The following ACACA variants were observed in gnomAD, a reference collection of about 807,000 sequenced individuals.
The protein encoded by ACACA is acetyl-CoA carboxylase alpha.
ACACA carries 103 observed loss-of-function variants against 296.1 expected under a neutral mutation model. The ratio of observed to expected loss-of-function variants is 0.35; its 90% confidence interval spans 0.30 to 0.41. The LOEUF is 0.41. Among genes scored for constraint, ACACA ranks in the 10% least tolerant of loss-of-function variants. The pLI, the probability that ACACA is intolerant of heterozygous loss-of-function variation, is 1.00. For missense variants in ACACA, 1,554 were observed against 2,989.7 expected, an observed-to-expected ratio of 0.52 and a Z score of 11.20; for synonymous variants, 953 against 1,038.6, an observed-to-expected ratio of 0.92 and a Z score of 1.58.
intron 1 of ACACA, among the ~76,000 whole-genome samples, chr17:37,349,003 A>G (rs2048762810): frequency 6.6e-6 from 1 of 151,700 alleles, no homozygotes; most frequent in African/African-American, 2.4e-5. Flanking sequence ...TATCGTAAAT[A>G]TATGTTAAAA....
At position 37,205,544 on chromosome 17, in the gene ACACA, C is replaced by T. The variant is rs1479220717; in HGVS notation, c.4056+221G>A. ...TTAGGAAGATAACTTCCCTTAAAAA[C>T]ATTTTAAATATTTGAGGTCTATTAT... On this transcript the variant is annotated intron_variant, in intron 33 of 55. Transcript: ENST00000616317. 2.0e-5 allele frequency among the ~76,000 whole-genome samples: 3 copies of T among 152,082 alleles called. No homozygotes were observed. In the East Asian group the frequency reaches 5.8e-4, roughly 29 times the overall value.
intron 41 of ACACA, among the ~76,000 whole-genome samples, chr17:37,172,751 T>C (rs1477619818): frequency 6.6e-6 from 1 of 152,236 alleles, no homozygotes; most frequent in Non-Finnish European, 1.5e-5. Flanking sequence ...TAATTATACA[T>C]AATCATATGT....
intron 29 of ACACA, among the ~76,000 whole-genome samples, chr17:37,212,703 C>A (rs2078803265): frequency 1.3e-5 from 2 of 150,800 alleles, no homozygotes. Flanking sequence ...GTTGCCCAGG[C>A]TAGTCTTGAA....
At chr17:37,208,307 T>C (rs1284425832) in intron 30 of ACACA, among the ~76,000 whole-genome samples, 2 of 152,176 alleles carry the variant, frequency 1.3e-5, no homozygotes, top group Non-Finnish European at 2.9e-5. Flanking sequence ...ACAATTGTAA[T>C]TAAGTCACCT....
At chr17:37,130,911 T>A (rs2075062629) in intron 45 of ACACA, among the ~76,000 whole-genome samples, 1 of 152,076 alleles carries the variant, frequency 6.6e-6, no homozygotes. Flanking sequence ...TTGATTTTTA[T>A]TAGATTGGTG....
intron 10 of ACACA, among the ~76,000 whole-genome samples, chr17:37,269,963 G>A (rs1044158042): frequency 6.6e-6 from 1 of 152,058 alleles, no homozygotes; most frequent in Non-Finnish European, 1.5e-5. Flanking sequence ...ATATGTGAGG[G>A]TAACTCTGAG....
intron 3 of ACACA, among the ~76,000 whole-genome samples, chr17:37,325,579 C>CTTTTTTTTTTTTTTTTTTTT (rs1156553256): frequency 6.9e-4 from 47 of 67,926 alleles, no homozygotes; most frequent in African/African-American, 1.5e-3. Context: ...TCTTTTCTTT[C>CTTTTTTTTTTTTTTTTTTTT]TTTTTTTTTT....
At chr17:37,235,688 C>A (rs2080076613) in intron 24 of ACACA, among the ~76,000 whole-genome samples, 1 of 152,014 alleles carries the variant, frequency 6.6e-6, no homozygotes, top group African/African-American at 2.4e-5. Context: ...GACTGCTACC[C>A]CTGGAATCAA....
At chr17:37,164,101 C>T (rs1214063535) in intron 41 of ACACA, among the ~76,000 whole-genome samples, 8 of 143,870 alleles carry the variant, frequency 5.6e-5, no homozygotes, top group Non-Finnish European at 1.1e-4. Context: ...CACCACTCGC[C>T]ACCAAACACA....
intron 29 of ACACA, 125 bp from the exon 30 acceptor site, chr17:37,210,615 ATAAT>A: frequency 1.2e-6 from 1 of 856,078 alleles, no homozygotes; most frequent in South Asian, 1.4e-5. Flanking sequence ...TTCAGCAGAC[ATAAT>A]TAAGTGCTCA....
intron 50 of ACACA, among the ~76,000 whole-genome samples, chr17:37,119,279 T>A (rs1437433727): frequency 6.6e-6 from 1 of 152,142 alleles, no homozygotes; most frequent in Non-Finnish European, 1.5e-5. Context: ...CTCAAGACAT[T>A]TTTCTTGTCT....
chr17:37,351,137 C>A (rs1275523201), intron 1 of ACACA, among the ~76,000 whole-genome samples: 1 of 151,724 alleles, frequency 6.6e-6, no homozygotes, highest in Non-Finnish European at 1.5e-5. Flanking sequence ...AAGATTGTCT[C>A]AAAAATAAAA....
chr17:37,222,502 T>C (rs954197538), intron 28 of ACACA, among the ~76,000 whole-genome samples: 2 of 151,984 alleles, frequency 1.3e-5, no homozygotes, highest in African/African-American at 4.8e-5. Context: ...GAAACAGCAA[T>C]AGGCTACATC....
At chr17:37,404,546 A>C (rs942401158) in intron 1 of ACACA, among the ~76,000 whole-genome samples, 4 of 145,276 alleles carry the variant, frequency 2.8e-5, no homozygotes, top group African/African-American at 1.0e-4. Context: ...TCTACCATCC[A>C]TTCTCCACAC....
At chr17:37,262,414 G>A (rs1201392766) in intron 11 of ACACA, among the ~76,000 whole-genome samples, 3 of 152,146 alleles carry the variant, frequency 2.0e-5, no homozygotes, top group East Asian at 1.9e-4. Context: ...TCTTGTGTGA[G>A]TTAGCTTAAT....
intron 27 of ACACA, among the ~76,000 whole-genome samples, chr17:37,224,325 C>G (rs866114034): frequency 4.6e-5 from 7 of 152,098 alleles, no homozygotes; most frequent in Non-Finnish European, 8.8e-5. Flanking sequence ...CTTTTTTCCC[C>G]TCTAGATTCC....
chr17:37,356,701 A>G (rs8073434), intron 1 of ACACA, among the ~76,000 whole-genome samples: 31,393 of 152,024 alleles, frequency 0.21, 3,506 homozygotes, highest in Admixed American at 0.34. Context: ...TTAATCTTTA[A>G]GAACATGTTA....
chr17:37,191,883 G>T (rs1598125106), intron 37 of ACACA, among the ~76,000 whole-genome samples: 3 of 145,342 alleles, frequency 2.1e-5, no homozygotes, highest in South Asian at 2.2e-4. Flanking sequence ...TGCACTTTCT[G>T]CTTTGTAAAA....
chr17:37,099,695 A>G (rs1351098789), intron 52 of ACACA, among the ~76,000 whole-genome samples: 5 of 144,328 alleles, frequency 3.5e-5, no homozygotes, highest in Non-Finnish European at 6.1e-5. Context: ...GGCTGATGGG[A>G]GGAGGGCTGA....
Sources: gnomAD v4.1 joint callset for allele counts (sites outside exome capture counted in the v4.1 genomes callset) on GRCh38, gnomAD v4.1.1 for gene constraint, MANE v1.5 for transcripts, NCBI Gene and HGNC (gene_info 2026-07-23, HGNC 2026-07-21) for gene names.